Variants in IL16 observed in about 807,000 individuals in gnomAD.
The protein encoded by IL16 is interleukin 16, also known as pro-interleukin-16.
Under a neutral mutation model 110.1 loss-of-function variants are expected in IL16, and 67 were observed. That is an observed-to-expected ratio of 0.61 (90% CI 0.50 to 0.75). The LOEUF is 0.75. Among genes scored for constraint, IL16 ranks in the 30% least tolerant of loss-of-function variants. The probability of loss-of-function intolerance (pLI) is 0.00; values close to 1 mark genes in which losing one functional copy is unlikely to be tolerated. For missense variants in IL16, 1,545 were observed against 1,655.0 expected (o/e 0.93, Z 1.15); for synonymous variants, 689 against 662.9 (o/e 1.04, Z -0.61).
chr15:81,198,830 G>A (rs903535192), intron 1 of IL16, among the ~76,000 whole-genome samples: 2 of 151,026 alleles, frequency 1.3e-5, no homozygotes, highest in African/African-American at 4.9e-5. Context: ...GACCAGGCTG[G>A]CCAACATGGT....
At position 81,225,401 on chromosome 15, in the gene IL16, TG is replaced by T. The variant is rs1250289030; in HGVS notation, c.4del (p.Glu2?). 3 of 1,613,632 alleles carry T rather than the reference TG, an allele frequency of 1.9e-6. No individual in the cohort carries two copies. In the Admixed American group the frequency reaches 5.0e-5, roughly 27 times the overall value. On this transcript the variant is annotated frameshift_variant and start_lost, in exon 2 of 19. Transcript: ENST00000683961. LOFTEE classifies it high-confidence loss of function. MESHSRAGKSR... is the reference protein window; with the variant it reads XESHSRAGKSR... ...GGCAGCTTCACTTCCTCTTTGAGGATGGAGTCGCACAGCCGCGCTGGAAAGA... is the reference window on the plus strand; with the variant it reads ...GGCAGCTTCACTTCCTCTTTGAGGATGAGTCGCACAGCCGCGCTGGAAAGA...
At chr15:81,215,469 C>A (rs1337002068) in intron 1 of IL16, among the ~76,000 whole-genome samples, 1 of 152,152 alleles carries the variant, frequency 6.6e-6, no homozygotes, top group Non-Finnish European at 1.5e-5. Context: ...GGCTGATAGC[C>A]AGTCACACTA....
intron 2 of IL16, among the ~76,000 whole-genome samples, chr15:81,231,324 G>GTCTCTCTC (rs532872365): frequency 0.022 from 1,047 of 47,090 alleles, 312 homozygotes; most frequent in Non-Finnish European, 0.031. Flanking sequence ...AGGTCGGTCT[G>GTCTCTCTC]TCTCTCTCTC....
intron 5 of IL16, 93 bp downstream of exon 5, chr15:81,269,741 C>A: frequency 1.2e-6 from 1 of 839,514 alleles, no homozygotes; most frequent in Non-Finnish European, 2.0e-6. Context: ...AATAGGACTA[C>A]TGGGGTGTCC....
At chr15:81,257,279 T>A (rs1897980756) in intron 2 of IL16, among the ~76,000 whole-genome samples, 1 of 152,258 alleles carries the variant, frequency 6.6e-6, no homozygotes, top group South Asian at 2.1e-4. Flanking sequence ...GATCCCCTTG[T>A]GTCAGAACTG....
chr15:81,290,165 G>A, intron 10 of IL16: 1 of 456,096 alleles, frequency 2.2e-6, no homozygotes, highest in East Asian at 3.7e-5. Flanking sequence ...CTATGAAGTG[G>A]TAACTTTGCC....
intron 9 of IL16, among the ~76,000 whole-genome samples, chr15:81,283,249 G>A (rs1211297536): frequency 2.6e-5 from 4 of 152,192 alleles, no homozygotes; most frequent in African/African-American, 7.2e-5. Flanking sequence ...GGGAGGCAGA[G>A]AAGCTGGAGG....
chr15:81,290,038 A>G (rs1899636292), intron 10 of IL16: 1 of 357,776 alleles, frequency 2.8e-6, no homozygotes, highest in African/African-American at 2.1e-5. Flanking sequence ...CCAAAGTGAT[A>G]ATAAACTGTG....
chr15:81,309,075 G>A lies in IL16; in HGVS notation c.*277G>A. On this transcript the variant is annotated 3_prime_UTR_variant, in exon 19 of 19. Transcript: ENST00000683961. ...ATATTGTGGTGCCACAAATAAAATG[G>A]ATTTATTAGAATTTCATATGACATT... 2.9e-6 allele frequency: 1 copy of A among 349,232 alleles called. No homozygotes were observed. The allele number at this position is 349,232 out of a possible 1,614,324, so 21.6% of individuals were successfully genotyped here. A position where few individuals can be genotyped will look rare whatever the true frequency, so the allele number is the denominator to read the frequency against.
At chr15:81,207,466 A>G (rs1896073063) in intron 1 of IL16, among the ~76,000 whole-genome samples, 1 of 152,108 alleles carries the variant, frequency 6.6e-6, no homozygotes, top group Non-Finnish European at 1.5e-5. Flanking sequence ...TATTACAACT[A>G]GATAGTGAGC....
rs1324925381 is a variant in IL16, at chr15:81,279,613, C to T, written c.920C>T (p.Pro307Leu). 126 of 1,614,044 alleles carry T rather than the reference C, an allele frequency of 7.8e-5. No individual in the cohort carries two copies. The highest frequency in any genetic ancestry group is 1.1e-4 in the Non-Finnish European group (126 of 1,180,028). The part of the protein sequence containing the change: ...LTVRTRLTAP[P>L]SLCSHLSPPL... ...GTGAGAACCCGCCTGACGGCGCCTC[C>T]TTCCCTGTGCAGCCACCTGTCTCCC... Residue 307 changes from proline to leucine, a missense_variant, in exon 8 of 19, where the codon CCT (proline) becomes CTT (leucine). Pro to Leu is a moderately conservative substitution (Grantham distance 98, BLOSUM62 -3). This residue lies in a region of IL16 where 1,185 missense variants were observed against 1,238.8 expected (regional missense o/e 0.96). Transcript: ENST00000683961.
At chr15:81,307,063 AT>A (rs1333987030) in intron 18 of IL16, among the ~76,000 whole-genome samples, 5 of 152,132 alleles carry the variant, frequency 3.3e-5, no homozygotes, top group African/African-American at 9.7e-5. Context: ...GTTGATAGAT[AT>A]TTTGTTCATC....
rs1335381899 is a variant in IL16 at position 81,306,427 on chromosome 15, G to C, written c.3687G>C (p.Glu1229Asp). Residue 1229 changes from glutamate to aspartate, a missense_variant, in exon 18 of 19, where the codon GAG becomes GAC. Glu to Asp is a conservative substitution (Grantham distance 45). Coordinates refer to ENST00000683961, the MANE Select transcript of IL16 (RefSeq NM_172217.5). Reference protein sequence around the residue: ...ASDVSVESTAEATVCTVTLEK... With the variant: ...ASDVSVESTADATVCTVTLEK... ...ACCTTGTGTTTTTCTCAGCAGCAGA[G>C]GCCACAGTCTGCACGGTGACACTGG... The C allele has an allele frequency of 1.9e-6, 3 of 1,614,068 alleles. No individual in the cohort carries two copies. Among genetic ancestry groups the C allele is most frequent in the Non-Finnish European group, 2.5e-6 (3 of 1,180,012 alleles).
intron 1 of IL16, among the ~76,000 whole-genome samples, chr15:81,210,765 G>GACCC (rs1186994281): frequency 2.6e-5 from 4 of 152,190 alleles, no homozygotes; most frequent in African/African-American, 9.7e-5. Flanking sequence ...GGTTTTCTAA[G>GACCC]TATAGATTCA....
In IL16 at chr15:81,299,462, C is replaced by A. The variant is rs745948165; in HGVS notation, c.2136C>A (p.Asp712Glu). 8 of 1,614,206 alleles carry A rather than the reference C, an allele frequency of 5.0e-6. No individual in the cohort carries two copies. The highest frequency in any genetic ancestry group is 6.8e-6 in the Non-Finnish European group (8 of 1,180,050). Residue 712 changes from aspartate (D) to glutamate (E), a missense_variant, in exon 14 of 19, where the codon GAC (aspartate) becomes GAA (glutamate). Physicochemically the swap from Asp to Glu is conservative, Grantham distance 45 (BLOSUM62 2). Around this residue, in one of 3 missense-constraint regions of IL16, gnomAD observed 1,185 missense variants for 1,238.8 expected, o/e 0.96. Coordinates refer to ENST00000683961, the MANE Select transcript of IL16 (RefSeq NM_172217.5). ...ATAGCTTTGATACCACAGCCGAAGA[C>A]CCTTGGGTTAGGATTTCTGACTGCA... ...MDYSFDTTAE[D>E]PWVRISDCIK... is the part of the protein sequence containing the mutation.
At chr15:81,294,171 G>C (rs1039408208) in intron 12 of IL16, among the ~76,000 whole-genome samples, 2 of 152,202 alleles carry the variant, frequency 1.3e-5, no homozygotes, top group Non-Finnish European at 2.9e-5. Context: ...TAGGAGGGGT[G>C]AAAGTGAAGG....
chr15:81,256,246 T>C (rs6495555), intron 2 of IL16, among the ~76,000 whole-genome samples: 35,890 of 151,952 alleles, frequency 0.24, 4,912 homozygotes, highest in African/African-American at 0.37. Flanking sequence ...TTTTACATGA[T>C]TGTAGTCAGT....
In IL16 at chr15:81,247,076, C is replaced by CTT. The variant is rs57484982; in HGVS notation, c.313-12677_313-12676dup. On this transcript the variant is annotated intron_variant, in intron 2 of 18. Transcript: ENST00000683961. Reference sequence around the variant, plus strand: ...TTTGTGTTTTCTTTCTTTTCTTTTCCTTTTTTTTTTTTTTTTTTTTGATCT... The same window carrying CTT: ...TTTGTGTTTTCTTTCTTTTCTTTTCCTTTTTTTTTTTTTTTTTTTTTTGATCT... Among the ~76,000 whole-genome samples, 236 of 92,578 alleles carry CTT rather than the reference C, an allele frequency of 2.5e-3. 7 individuals are homozygous for CTT. Among genetic ancestry groups the CTT allele is most frequent in the African/African-American group, 8.5e-3 (177 of 20,764 alleles). The allele number at this position is 92,578 out of a possible 152,430, so 60.7% of individuals were successfully genotyped here.
At chr15:81,265,586 A>T in intron 3 of IL16, 73 bp from the exon 4 acceptor site, 1 of 1,541,356 alleles carries the variant, frequency 6.5e-7, no homozygotes, top group Non-Finnish European at 8.9e-7. Context: ...TGAGGGGCTG[A>T]TATTGTTCTT....
Sources: gnomAD v4.1 joint callset for allele counts (sites outside exome capture counted in the v4.1 genomes callset) on GRCh38, gnomAD v4.1.1 for gene constraint, gnomAD v4.1.1 regional missense constraint, MANE v1.5 for transcripts, NCBI Gene and HGNC (gene_info 2026-07-23, HGNC 2026-07-21) for gene names.